WDPCP: variants seen among roughly 807,000 people sequenced by gnomAD.
WDPCP encodes WD repeat-containing and planar cell polarity effector protein fritz homolog.
A neutral mutation model predicts 93.1 loss-of-function variants in WDPCP; 71 were observed. The observed-to-expected ratio is 0.76, with a 90% CI of 0.63 to 0.93. The LOEUF is 0.93. Ranked by LOEUF, WDPCP falls within the 40% of genes least tolerant of loss-of-function variation. WDPCP has a pLI of 0.00. For synonymous variants in WDPCP, 315 were observed against 315.0 expected (o/e 1.00, Z 0.00); for missense variants, 844 against 887.4 (o/e 0.95, Z 0.62).
intron 13 of WDPCP, among the ~76,000 whole-genome samples, chr2:63,260,998 T>C (rs1681580644): frequency 1.3e-5 from 2 of 152,166 alleles, no homozygotes; most frequent in Non-Finnish European, 2.9e-5. Flanking sequence ...GAATGCTGAG[T>C]GGCTTTGAAA....
chr2:63,683,830 C>CA (rs1668767124), intron 2 of WDPCP, among the ~76,000 whole-genome samples: 1 of 147,352 alleles, frequency 6.8e-6, no homozygotes, highest in African/African-American at 2.5e-5. Flanking sequence ...GCCTGGGTGA[C>CA]AGAGTGAGAC....
chr2:63,464,701 C>T (rs1220594859), intron 6 of WDPCP, among the ~76,000 whole-genome samples: 2 of 151,848 alleles, frequency 1.3e-5, no homozygotes, highest in Non-Finnish European at 2.9e-5. Flanking sequence ...CATTATTCAG[C>T]CTGAAAAAAA....
chr2:63,584,927 T>C (rs890009219), intron 1 of WDPCP, among the ~76,000 whole-genome samples: 18 of 152,198 alleles, frequency 1.2e-4, no homozygotes, highest in African/African-American at 4.3e-4. Context: ...TAATGTTTTA[T>C]CTTGTTTAAC....
chr2:63,603,512 C>A (rs1354716259), intron 3 of WDPCP, among the ~76,000 whole-genome samples: 2 of 152,150 alleles, frequency 1.3e-5, no homozygotes, highest in Non-Finnish European at 1.5e-5. Context: ...TATTTTTCCA[C>A]ATTCCCTTCT....
At chr2:63,510,453 T>C (rs144613658) in intron 1 of WDPCP, among the ~76,000 whole-genome samples, 18 of 152,320 alleles carry the variant, frequency 1.2e-4, no homozygotes, top group Non-Finnish European at 1.5e-4. Flanking sequence ...GAGCTATTTA[T>C]GACAAATCCA....
intron 3 of WDPCP, chr2:63,597,307 G>C (rs960260215): frequency 2.3e-6 from 3 of 1,281,608 alleles, no homozygotes; most frequent in Non-Finnish European, 3.0e-6. Flanking sequence ...CTTGCAACAA[G>C]TGAAAGAATT....
At chr2:63,607,438 G>A (rs1277539801) in intron 3 of WDPCP, among the ~76,000 whole-genome samples, 2 of 152,066 alleles carry the variant, frequency 1.3e-5, no homozygotes, top group Non-Finnish European at 2.9e-5. Flanking sequence ...TTGGGAGGAT[G>A]AGGTAGGAGA....
At chr2:63,732,056 G>C (rs1248685208) in intron 2 of WDPCP, among the ~76,000 whole-genome samples, 2 of 152,194 alleles carry the variant, frequency 1.3e-5, no homozygotes, top group Admixed American at 6.5e-5. Flanking sequence ...AGGGGAGATA[G>C]TTAAGGCTCC....
intron 2 of WDPCP, among the ~76,000 whole-genome samples, chr2:63,661,440 C>T (rs560122743): frequency 5.7e-4 from 87 of 152,298 alleles, no homozygotes; most frequent in African/African-American, 2.0e-3. Context: ...AAGGCTAGGA[C>T]CACATCTATT....
chr2:63,763,154 T>C (rs922045962), intron 2 of WDPCP, among the ~76,000 whole-genome samples: 4 of 152,120 alleles, frequency 2.6e-5, no homozygotes, highest in Non-Finnish European at 5.9e-5. Context: ...TGCCTTATTG[T>C]TCTCAGTATT....
At chr2:63,292,078 A>G (rs1460042519) in intron 13 of WDPCP, among the ~76,000 whole-genome samples, 1 of 144,082 alleles carries the variant, frequency 6.9e-6, no homozygotes, top group Non-Finnish European at 1.5e-5. Flanking sequence ...GCTTGCAGTG[A>G]GCCGAGATCG....
intron 10 of WDPCP, among the ~76,000 whole-genome samples, chr2:63,402,286 GAGGGGAACAACACACACA>G (rs1694210171): frequency 6.6e-6 from 1 of 152,078 alleles, no homozygotes; most frequent in African/African-American, 2.4e-5. Context: ...TGGACACAGG[GAGGGGAACAACACACACA>G]AGGGCCTGTT....
chr2:63,397,866 G>C (rs780717741), intron 10 of WDPCP, among the ~76,000 whole-genome samples: 1 of 152,184 alleles, frequency 6.6e-6, no homozygotes, highest in Non-Finnish European at 1.5e-5. Context: ...GTTTGGCTAT[G>C]AAAGGAAGGT....
chr2:63,321,212 T>A (rs1237427244), intron 12 of WDPCP, among the ~76,000 whole-genome samples: 3 of 152,030 alleles, frequency 2.0e-5, no homozygotes, highest in Non-Finnish European at 4.4e-5. Context: ...ATCAGCAAGA[T>A]AAACAAATGG....
At chr2:63,236,760 A>AAAAT (rs1331050828) in intron 14 of WDPCP, among the ~76,000 whole-genome samples, 3 of 152,204 alleles carry the variant, frequency 2.0e-5, no homozygotes, top group Non-Finnish European at 4.4e-5. Flanking sequence ...TGATGCTGGG[A>AAAAT]AAATAGGCTA....
intron 1 of WDPCP, among the ~76,000 whole-genome samples, chr2:63,504,631 T>C (rs1163342038): frequency 1.3e-5 from 2 of 152,046 alleles, no homozygotes; most frequent in East Asian, 3.8e-4. Context: ...TCTGCCTAAA[T>C]GCTGTGCTAA....
chr2:63,586,076 G>A (rs962466302), intron 1 of WDPCP, among the ~76,000 whole-genome samples: 4 of 152,012 alleles, frequency 2.6e-5, no homozygotes, highest in Admixed American at 6.6e-5. Flanking sequence ...GCAGTCCTCC[G>A]GCCTTAGCCT....
chr2:63,521,163 T>C (rs1359533975), intron 1 of WDPCP, among the ~76,000 whole-genome samples: 3 of 152,156 alleles, frequency 2.0e-5, no homozygotes, highest in African/African-American at 7.2e-5. Context: ...CAAATCTGCA[T>C]AATAACCAGC....
At chr2:63,154,664 A>T (rs1188987721) in intron 15 of WDPCP, among the ~76,000 whole-genome samples, 1 of 152,098 alleles carries the variant, frequency 6.6e-6, no homozygotes, top group Non-Finnish European at 1.5e-5. Context: ...ACTTAATGGG[A>T]TTGTTGAATC....
Sources: gnomAD v4.1 joint callset for allele counts (sites outside exome capture counted in the v4.1 genomes callset) on GRCh38, gnomAD v4.1.1 for gene constraint, MANE v1.5 for transcripts, NCBI Gene and HGNC (gene_info 2026-07-23, HGNC 2026-07-21) for gene names.